AGPAT2: variants seen among roughly 807,000 people sequenced by gnomAD.
AGPAT2 encodes the protein 1-acylglycerol-3-phosphate O-acyltransferase 2.
Under a neutral mutation model 26.1 loss-of-function variants are expected in AGPAT2, and 18 were observed. The ratio of observed to expected loss-of-function variants is 0.69; its 90% CI spans 0.48 to 1.02. AGPAT2 has a LOEUF of 1.02. Among genes scored for constraint, AGPAT2 ranks in the 50% least tolerant of loss-of-function variants. AGPAT2 has a pLI of 0.00. For missense variants in AGPAT2, 415 were observed against 394.9 expected (o/e 1.05, Z -0.43); for synonymous variants, 200 against 174.2 (o/e 1.15, Z -1.16).
chr9:136,673,354 C>T lies in AGPAT2; in HGVS notation c.*398G>A, dbSNP rs563610550. 1 of 163,212 alleles carries T rather than the reference C, an allele frequency of 6.1e-6. No individual in the cohort carries two copies. The highest frequency in any genetic ancestry group is 1.7e-4 in the East Asian group (1 of 5,790). The allele number at this position is 163,212 out of a possible 1,614,324, so 10.1% of individuals were successfully genotyped here. A position where few individuals can be genotyped will look rare whatever the true frequency, so the allele number is the denominator to read the frequency against. ...CTGGACCCTGGAGCCCAGCTGCACC[C>T]TGGTGGGTCCCAGGCGGCTGAGCAG... On this transcript the variant is annotated 3_prime_UTR_variant, in exon 6 of 6. Coordinates refer to ENST00000371696, the MANE Select transcript of AGPAT2 (RefSeq NM_006412.4).
In AGPAT2 at chr9:136,687,398, G is replaced by T. The variant is rs778314262; in HGVS notation, c.-41C>A. 1.4e-6 allele frequency: 2 copies of T among 1,392,106 alleles called. No individual in the cohort carries two copies. The highest frequency in any genetic ancestry group is 6.1e-5 in the East Asian group (2 of 32,652). 86.2% of individuals were successfully genotyped at this position (1,392,106 alleles called of 1,614,324 possible). On this transcript the variant is annotated 5_prime_UTR_variant, in exon 1 of 6. Transcript: ENST00000371696. ...CCGACGGCGCCGCCAGCTCGCTCCC[G>T]CTCCCGCTCCCGCTTCTCCCCCGCG...
At chr9:136,684,522 G>A (rs568335650) in intron 1 of AGPAT2, among the ~76,000 whole-genome samples, 8 of 150,838 alleles carry the variant, frequency 5.3e-5, no homozygotes, top group Admixed American at 3.9e-4. Flanking sequence ...CGGTGTAGAC[G>A]GTGGGGGTCT....
At chr9:136,683,168 G>A (rs1458373458) in intron 1 of AGPAT2, among the ~76,000 whole-genome samples, 1 of 152,008 alleles carries the variant, frequency 6.6e-6, no homozygotes. Context: ...CGGATCACTT[G>A]AGCTCAGGGG....
In AGPAT2 at chr9:136,687,415, TCC is replaced by T; in HGVS notation, c.-60_-59del. 7.4e-7 allele frequency: 1 copy of T among 1,351,616 alleles called. No homozygotes were observed. The highest frequency in any genetic ancestry group is 1.7e-5 in the South Asian group (1 of 58,732). The allele number at this position is 1,351,616 out of a possible 1,614,324, so 83.7% of individuals were successfully genotyped here. A position where few individuals can be genotyped will look rare whatever the true frequency, so the allele number is the denominator to read the frequency against. ...TCGCTCCCGCTCCCGCTCCCGCTTC[TCC>T]CCCGCGCGCTCAGGCCCCTTATTGC... On this transcript the variant is annotated 5_prime_UTR_variant, in exon 1 of 6. Transcript: ENST00000371696.
Position 136,687,444 on chromosome 9 carries a change from A to G in AGPAT2, c.-87T>C. ...CCGCGCGCTCAGGCCCCTTATTGCG[A>G]GGGCGGCGGGGCTGGGCGGGGCGGG... On this transcript the variant is annotated 5_prime_UTR_variant, in exon 1 of 6. Coordinates refer to ENST00000371696, the MANE Select transcript of AGPAT2 (RefSeq NM_006412.4). The G allele has an allele frequency of 8.4e-7, 1 of 1,186,430 alleles. No homozygotes were observed. Among genetic ancestry groups the G allele is most frequent in the Non-Finnish European group, 1.1e-6 (1 of 922,038 alleles). 73.5% of individuals were successfully genotyped at this position (1,186,430 alleles called of 1,614,324 possible).
chr9:136,674,818 G>GGA lies in AGPAT2; in HGVS notation c.589-13_589-12dup, dbSNP rs1402508389. ...GGGGACGATGGGCACCTGCAGGCAG[G>GGA]GAGACGCACAGCTGAGGCAGCCCTG... is the stretch of plus-strand genomic sequence containing the variant. On this transcript the variant is annotated splice_polypyrimidine_tract_variant and intron_variant, in intron 4 of 5. Transcript: ENST00000371696. 6.5e-7 allele frequency: 1 copy of GGA among 1,543,554 alleles called. No individual in the cohort carries two copies. Among genetic ancestry groups the GGA allele is most frequent in the Admixed American group, 1.9e-5 (1 of 51,834 alleles).
chr9:136,681,517 T>TC (rs1846160663), intron 1 of AGPAT2, among the ~76,000 whole-genome samples: 1 of 152,176 alleles, frequency 6.6e-6, no homozygotes, highest in South Asian at 2.1e-4. Context: ...TACAAGCGGT[T>TC]CCTGGATGGG....
At chr9:136,680,695 G>A (rs986162821) in intron 1 of AGPAT2, among the ~76,000 whole-genome samples, 3 of 151,126 alleles carry the variant, frequency 2.0e-5, no homozygotes, top group African/African-American at 4.9e-5. Flanking sequence ...TTTTTGAGAC[G>A]GAGTCTTGCT....
chr9:136,682,784 G>GT (rs1846176628), intron 1 of AGPAT2, among the ~76,000 whole-genome samples: 1 of 152,148 alleles, frequency 6.6e-6, no homozygotes, highest in Non-Finnish European at 1.5e-5. Flanking sequence ...GCGAAGCCCC[G>GT]TAAGAGACCC....
intron 4 of AGPAT2, among the ~76,000 whole-genome samples, chr9:136,676,322 C>T (rs1346713010): frequency 1.3e-5 from 2 of 152,294 alleles, no homozygotes; most frequent in South Asian, 2.1e-4. Flanking sequence ...TGCCCAGCCT[C>T]GCAGGCCAAG....
At chr9:136,675,297 C>G (rs1428212148) in intron 4 of AGPAT2, among the ~76,000 whole-genome samples, 1 of 150,754 alleles carries the variant, frequency 6.6e-6, no homozygotes, top group Non-Finnish European at 1.5e-5. Flanking sequence ...ATCATTAACC[C>G]GAGGCAGCCA....
chr9:136,686,810 G>C (rs536988364), intron 1 of AGPAT2, among the ~76,000 whole-genome samples: 1 of 152,378 alleles, frequency 6.6e-6, no homozygotes, highest in Non-Finnish European at 1.5e-5. Context: ...TCCCCGCTCA[G>C]GAAGCAGGGC....
intron 1 of AGPAT2, among the ~76,000 whole-genome samples, chr9:136,679,521 C>T (rs1198800176): frequency 2.6e-5 from 4 of 152,194 alleles, no homozygotes; most frequent in African/African-American, 9.7e-5. Flanking sequence ...GGGCTGGTAG[C>T]ACCCGCACAC....
At chr9:136,674,887 C>T in intron 4 of AGPAT2, 80 bp from the exon 5 acceptor site, 1 of 1,095,310 alleles carries the variant, frequency 9.1e-7, no homozygotes, top group Non-Finnish European at 1.2e-6. Flanking sequence ...GTTGGGGAGC[C>T]CTGTCCTGCG....
intron 4 of AGPAT2, among the ~76,000 whole-genome samples, chr9:136,675,640 G>A (rs1270790412): frequency 2.0e-5 from 3 of 152,042 alleles, no homozygotes; most frequent in Non-Finnish European, 4.4e-5. Context: ...GCTGCACTGC[G>A]GCCACCCCCA....
chr9:136,674,684 A>G, intron 5 of AGPAT2, 51 bp downstream of exon 5: 1 of 1,308,014 alleles, frequency 7.6e-7, no homozygotes, highest in Non-Finnish European at 1.0e-6. Flanking sequence ...GGGCTCCGTG[A>G]CTGTAGGGTC....
rs981234002 is a variant in AGPAT2, at chr9:136,673,407, C to T, written c.*345G>A. On this transcript the variant is annotated 3_prime_UTR_variant, in exon 6 of 6. Coordinates refer to ENST00000371696, the MANE Select transcript of AGPAT2 (RefSeq NM_006412.4). ...GGCTCGGACAGTGTGCGTCTGGCCT[C>T]GGGGTCCTCCCATCTGCTCCTGGGC... The T allele has an allele frequency of 2.8e-5, 6 of 212,452 alleles. No homozygotes were observed. Among genetic ancestry groups the T allele is most frequent in the East Asian group, 1.0e-4 (1 of 9,800 alleles). 13.2% of individuals were successfully genotyped at this position (212,452 alleles called of 1,614,324 possible).
intron 1 of AGPAT2, among the ~76,000 whole-genome samples, chr9:136,678,937 C>T (rs968824716): frequency 3.3e-5 from 5 of 152,148 alleles, no homozygotes; most frequent in African/African-American, 4.8e-5. Flanking sequence ...ATTTTTGGTA[C>T]AGATGGGCTT....
At chr9:136,682,309 C>G (rs1846171418) in intron 1 of AGPAT2, among the ~76,000 whole-genome samples, 1 of 152,206 alleles carries the variant, frequency 6.6e-6, no homozygotes, top group Non-Finnish European at 1.5e-5. Context: ...GCCACTGTCC[C>G]CAGGCTTCCC....
Sources: allele counts gnomAD v4.1 joint callset (sites outside exome capture counted in the v4.1 genomes callset), GRCh38; gene constraint gnomAD v4.1.1; transcripts MANE v1.5; gene names NCBI Gene and HGNC (gene_info 2026-07-23, HGNC 2026-07-21).